GNAI1: variants seen among roughly 807,000 people sequenced by gnomAD.
GNAI1 encodes G protein subunit alpha i1, also known as guanine nucleotide-binding protein G(i) subunit alpha-1.
Under a neutral mutation model 38.9 loss-of-function variants are expected in GNAI1, and 11 were observed. That is an observed-to-expected ratio of 0.28 (90% CI 0.18 to 0.47). The LOEUF is 0.47. Ranked by LOEUF, GNAI1 falls within the 20% of genes least tolerant of loss-of-function variation. The pLI is 0.99. For missense variants in GNAI1, 317 were observed against 436.9 expected, an observed-to-expected ratio of 0.73 and a Z score of 2.45; for synonymous variants, 166 against 145.1, an observed-to-expected ratio of 1.14 and a Z score of -1.04.
At chr7:80,135,446 G>A (rs1021400837) in intron 1 of GNAI1, 168 bp downstream of exon 1, 7 of 431,340 alleles carry the variant, frequency 1.6e-5, no homozygotes, top group Admixed American at 8.8e-5. Flanking sequence ...CCCCTCTCCC[G>A]GTGTCTGGTC....
At chr7:80,203,397 T>C (rs1407760316) in intron 4 of GNAI1, among the ~76,000 whole-genome samples, 1 of 152,090 alleles carries the variant, frequency 6.6e-6, no homozygotes, top group African/African-American at 2.4e-5. Flanking sequence ...TGGTGTGTAT[T>C]AGCTTTTTTT....
chr7:80,183,821 A>AGG (rs1788341833), intron 1 of GNAI1, among the ~76,000 whole-genome samples: 1 of 152,168 alleles, frequency 6.6e-6, no homozygotes, highest in African/African-American at 2.4e-5. Context: ...AATCTAGCAA[A>AGG]GGGTTACCTT....
At chr7:80,164,696 T>G (rs2116139479) in intron 1 of GNAI1, among the ~76,000 whole-genome samples, 1 of 152,302 alleles carries the variant, frequency 6.6e-6, no homozygotes, top group South Asian at 2.1e-4. Context: ...GACTCTAGAC[T>G]TTACCTAATT....
At position 80,134,980 on chromosome 7, in the gene GNAI1, G is replaced by C; in HGVS notation, c.-181G>C. The C allele has an allele frequency of 4.9e-6, 2 of 407,566 alleles. No homozygotes were observed. Among genetic ancestry groups the C allele is most frequent in the Non-Finnish European group, 4.3e-6 (1 of 231,312 alleles). 25.2% of individuals were successfully genotyped at this position (407,566 alleles called of 1,614,324 possible). A position where few individuals can be genotyped will look rare whatever the true frequency, so the allele number is the denominator to read the frequency against. Reference sequence around the variant, plus strand: ...GCCTGGTCGTGAGGAACAGCCGCCCGTTGCTGTCTGCCCCTTTGCGGACAG... The same window carrying C: ...GCCTGGTCGTGAGGAACAGCCGCCCCTTGCTGTCTGCCCCTTTGCGGACAG... On this transcript the variant is annotated 5_prime_UTR_variant, in exon 1 of 8. Transcript: ENST00000649796.
At chr7:80,158,625 C>A (rs981281135) in intron 1 of GNAI1, among the ~76,000 whole-genome samples, 1 of 152,184 alleles carries the variant, frequency 6.6e-6, no homozygotes, top group African/African-American at 2.4e-5. Context: ...TGTAAGTTTC[C>A]TGAGGCCTCC....
At chr7:80,144,546 T>G (rs1355693675) in intron 1 of GNAI1, among the ~76,000 whole-genome samples, 1 of 152,212 alleles carries the variant, frequency 6.6e-6, no homozygotes, top group African/African-American at 2.4e-5. Context: ...ACATCTTCAG[T>G]TGTATGAAAC....
chr7:80,178,235 G>A (rs1286940438), intron 1 of GNAI1, among the ~76,000 whole-genome samples: 1 of 152,258 alleles, frequency 6.6e-6, no homozygotes, highest in African/African-American at 2.4e-5. Flanking sequence ...GGTTTCTTGA[G>A]ATGGAGTCTT....
intron 3 of GNAI1, among the ~76,000 whole-genome samples, chr7:80,196,033 G>C (rs1042104879): frequency 6.6e-6 from 1 of 151,840 alleles, no homozygotes; most frequent in East Asian, 1.9e-4. Context: ...TTTTCATCAA[G>C]TGGGTGACAG....
rs1198660687 is a variant in GNAI1, at chr7:80,218,737, G to A, written c.*1244G>A. 6.6e-6 allele frequency: 1 copy of A among 151,834 alleles called. No individual in the cohort carries two copies. Among genetic ancestry groups the A allele is most frequent in the Admixed American group, 6.6e-5 (1 of 15,230 alleles). 9.4% of individuals were successfully genotyped at this position (151,834 alleles called of 1,614,324 possible). A position where few individuals can be genotyped will look rare whatever the true frequency, so the allele number is the denominator to read the frequency against. On this transcript the variant is annotated 3_prime_UTR_variant, in exon 8 of 8. Coordinates refer to ENST00000649796, the MANE Select transcript of GNAI1 (RefSeq NM_002069.6). ...CTTTTTCAATTATACTATTATTTCT[G>A]AGAATGAAATGGACGATTACACTTA... is the stretch of plus-strand genomic sequence containing the variant.
intron 3 of GNAI1, among the ~76,000 whole-genome samples, chr7:80,192,775 A>G (rs1788504982): frequency 6.6e-6 from 1 of 152,102 alleles, no homozygotes; most frequent in African/African-American, 2.4e-5. Context: ...AGCTCACTGC[A>G]ACCTCCGCCT....
chr7:80,166,186 T>C, intron 1 of GNAI1, among the ~76,000 whole-genome samples: 1 of 152,194 alleles, frequency 6.6e-6, no homozygotes, highest in East Asian at 1.9e-4. Context: ...TTACTACCAT[T>C]CACTAGGCAT....
chr7:80,156,060 A>AAG (rs1554347391), intron 1 of GNAI1, among the ~76,000 whole-genome samples: 15 of 150,902 alleles, frequency 9.9e-5, no homozygotes, highest in South Asian at 4.2e-4. Context: ...AAAAAAAAAA[A>AAG]AAAGAAAGAA....
chr7:80,195,746 A>G (rs1455510106), intron 3 of GNAI1, among the ~76,000 whole-genome samples: 3 of 152,016 alleles, frequency 2.0e-5, no homozygotes, highest in African/African-American at 7.2e-5. Context: ...AATCTCATAC[A>G]TAAATTCTAT....
rs1464465122 is a variant in GNAI1, at chr7:80,220,864, G to A, written c.*3371G>A. 6.6e-6 allele frequency among the ~76,000 whole-genome samples: 1 copy of A among 152,070 alleles called. No individual in the cohort carries two copies. The highest frequency in any genetic ancestry group is 1.5e-5 in the Non-Finnish European group (1 of 68,014). ...CCAGAAAATGTGTAAGTAGTGTTTCGCCTATCCCCACTCTGCCCTTGAGTT... is the reference window on the plus strand; with the variant it reads ...CCAGAAAATGTGTAAGTAGTGTTTCACCTATCCCCACTCTGCCCTTGAGTT... On this transcript the variant is annotated 3_prime_UTR_variant, in exon 8 of 8. Transcript: ENST00000649796.
chr7:80,221,124 T>C lies in GNAI1; in HGVS notation c.*3631T>C, dbSNP rs560752125. On this transcript the variant is annotated 3_prime_UTR_variant, in exon 8 of 8. Coordinates refer to ENST00000649796, the MANE Select transcript of GNAI1 (RefSeq NM_002069.6). ...AGTGTGTTATGTTGGAAGTAGAAAG[T>C]GATGGTGAAAATCCTAGGCTCTGGC... Among the ~76,000 whole-genome samples the C allele has an allele frequency of 2.9e-4, 44 of 152,280 alleles. No individual in the cohort carries two copies. The highest frequency in any genetic ancestry group is 9.1e-4 in the Admixed American group (14 of 15,302).
chr7:80,185,921 C>T (rs1053732304), intron 1 of GNAI1, among the ~76,000 whole-genome samples: 1 of 151,638 alleles, frequency 6.6e-6, no homozygotes, highest in East Asian at 1.9e-4. Flanking sequence ...AGCTTTGAAA[C>T]GTTTTTGCAA....
chr7:80,222,395 T>TTC lies in GNAI1; in HGVS notation c.*4903_*4904insCT, dbSNP rs1789094953. ...TCTTCAAATTTAATTTTTTTTTTTT[T>TTC]TTTTTTCCTGAGACAGAGTTTCGTT... is the stretch of plus-strand genomic sequence containing the variant. On this transcript the variant is annotated 3_prime_UTR_variant, in exon 8 of 8. Coordinates refer to ENST00000649796, the MANE Select transcript of GNAI1 (RefSeq NM_002069.6). 6.6e-6 allele frequency among the ~76,000 whole-genome samples: 1 copy of TTC among 150,970 alleles called. No homozygotes were observed. The highest frequency in any genetic ancestry group is 1.5e-5 in the Non-Finnish European group (1 of 67,746).
intron 1 of GNAI1, among the ~76,000 whole-genome samples, chr7:80,168,392 A>G (rs1386699746): frequency 1.3e-5 from 2 of 152,002 alleles, no homozygotes; most frequent in Non-Finnish European, 2.9e-5. Context: ...TTATTTATTT[A>G]TTTATTTATT....
intron 4 of GNAI1, among the ~76,000 whole-genome samples, chr7:80,203,216 T>C (rs1182262009): frequency 3.3e-5 from 5 of 152,176 alleles, no homozygotes; most frequent in African/African-American, 1.2e-4. Context: ...GTATGTAACA[T>C]AAGACTGGTT....
Sources: gnomAD v4.1 joint callset for allele counts (sites outside exome capture counted in the v4.1 genomes callset) on GRCh38, gnomAD v4.1.1 for gene constraint, MANE v1.5 for transcripts, NCBI Gene and HGNC (gene_info 2026-07-23, HGNC 2026-07-21) for gene names.